AGO3: variants seen among roughly 807,000 people sequenced by gnomAD.
AGO3 encodes protein argonaute-3.
In AGO3, 16 loss-of-function variants were observed where a neutral mutation model predicts 105.5. The ratio of observed to expected loss-of-function variants is 0.15; its 90% confidence interval spans 0.10 to 0.23. The LOEUF is 0.23. Ranked by LOEUF, AGO3 falls within the 10% of genes least tolerant of loss-of-function variation. AGO3 has a pLI of 1.00. For missense variants in AGO3, 534 were observed against 1,088.0 expected (o/e 0.49, Z 7.16); for synonymous variants, 340 against 367.3 (o/e 0.93, Z 0.85).
rs1261621322 is a variant in AGO3, at chr1:35,967,070, A to G, written c.307A>G (p.Thr103Ala). 4 of 1,612,596 alleles carry G rather than the reference A, an allele frequency of 2.5e-6. No homozygotes were observed. The East Asian group carries it at 6.7e-5, about 27-fold the overall frequency. ...CGCCAATCCACTTCCTGTGGCAACT[A>G]CAGGGGTAAGATATGCATTCCTGTA... ...YTANPLPVATTGVDLDVTLPG... is the reference protein window; with the variant it reads ...YTANPLPVATAGVDLDVTLPG... Residue 103 changes from threonine (T) to alanine (A), a missense_variant, in exon 3 of 19, where the codon ACA becomes GCA. This residue lies in a region of AGO3 where 161 missense variants were observed against 234.0 expected (regional missense o/e 0.69). Coordinates refer to ENST00000373191, the MANE Select transcript of AGO3 (RefSeq NM_024852.4).
At chr1:35,940,170 G>C (rs1485795548) in intron 1 of AGO3, among the ~76,000 whole-genome samples, 2 of 151,958 alleles carry the variant, frequency 1.3e-5, no homozygotes, top group East Asian at 3.9e-4. Flanking sequence ...AGGTTCAAGC[G>C]ATTCTCCTGC....
intron 5 of AGO3, among the ~76,000 whole-genome samples, chr1:35,974,593 T>C (rs1023096721): frequency 1.3e-5 from 2 of 152,194 alleles, no homozygotes; most frequent in East Asian, 3.8e-4. Context: ...GTCCCAATTT[T>C]AGTGATTCAA....
At chr1:36,026,890 T>G (rs1445626368) in intron 11 of AGO3, among the ~76,000 whole-genome samples, 1 of 152,194 alleles carries the variant, frequency 6.6e-6, no homozygotes. Flanking sequence ...GTAATGCTCC[T>G]TGTAAACTAC....
At chr1:35,934,609 T>TATTTAA (rs1472112714) in intron 1 of AGO3, among the ~76,000 whole-genome samples, 1 of 152,156 alleles carries the variant, frequency 6.6e-6, no homozygotes. Context: ...TGTAATGCCA[T>TATTTAA]CAGGGTCCCA....
At chr1:35,934,263 G>A (rs867312853) in intron 1 of AGO3, among the ~76,000 whole-genome samples, 9 of 152,150 alleles carry the variant, frequency 5.9e-5, no homozygotes, top group Non-Finnish European at 8.8e-5. Flanking sequence ...TTAGACTACC[G>A]TTTAGGACAG....
At chr1:35,956,571 G>C (rs914329039) in intron 2 of AGO3, among the ~76,000 whole-genome samples, 3 of 151,760 alleles carry the variant, frequency 2.0e-5, no homozygotes, top group African/African-American at 7.3e-5. Flanking sequence ...GGAAAGATAG[G>C]AGAACCAGGA....
intron 6 of AGO3, among the ~76,000 whole-genome samples, chr1:36,006,974 T>C (rs1038382231): frequency 4.6e-5 from 7 of 152,232 alleles, no homozygotes; most frequent in African/African-American, 1.7e-4. Flanking sequence ...TTCTCAACCT[T>C]AGCAGCATTG....
At chr1:36,016,232 A>T (rs1345856935) in intron 11 of AGO3, among the ~76,000 whole-genome samples, 1 of 152,170 alleles carries the variant, frequency 6.6e-6, no homozygotes, top group Non-Finnish European at 1.5e-5. Flanking sequence ...CCCAGGCTGG[A>T]GTGCAGTGGC....
intron 16 of AGO3, among the ~76,000 whole-genome samples, chr1:36,041,719 T>C (rs543509940): frequency 6.6e-6 from 1 of 152,332 alleles, no homozygotes; most frequent in South Asian, 2.1e-4. Context: ...GGTGTTTTTC[T>C]TTGCCATACA....
At position 35,973,407 on chromosome 1, in the gene AGO3, C is replaced by T; in HGVS notation, c.554C>T (p.Ala185Val). ...CCTGTGGGGCGTTCATTTTTCTCCG[C>T]TCCAGAAGGATATGACCACCCTCTG... is the stretch of plus-strand genomic sequence containing the variant. ...YTPVGRSFFS[A>V]PEGYDHPLGG... Residue 185 changes from alanine (A) to valine (V), a missense_variant, in exon 5 of 19, where the codon GCT (alanine) becomes GTT (valine). Around this residue, in one of 2 missense-constraint regions of AGO3, gnomAD observed 161 missense variants for 234.0 expected, o/e 0.69. Coordinates refer to ENST00000373191, the MANE Select transcript of AGO3 (RefSeq NM_024852.4). 6.3e-7 allele frequency: 1 copy of T among 1,589,076 alleles called. No homozygotes were observed. Among genetic ancestry groups the T allele is most frequent in the Non-Finnish European group, 8.6e-7 (1 of 1,164,500 alleles).
intron 11 of AGO3, among the ~76,000 whole-genome samples, chr1:36,020,639 G>A (rs541050352): frequency 4.0e-5 from 6 of 151,610 alleles, no homozygotes; most frequent in Admixed American, 1.3e-4. Context: ...TTATTGAGAC[G>A]GAATCTCGCT....
chr1:36,055,160 T>C lies in AGO3; in HGVS notation c.2474+15T>C. ...GAACATGACAGGTAATATAAAAGCA[T>C]AACAGGTTCTCACCCAAATCCCAAT... On this transcript the variant is annotated intron_variant, in intron 18 of 18. Transcript: ENST00000373191. This position sits in a 1 kb window ranked among gnomAD's most constrained non-coding sequence, Gnocchi z 4.4. 1 of 1,571,434 alleles carries C rather than the reference T, an allele frequency of 6.4e-7. No homozygotes were observed. The highest frequency in any genetic ancestry group is 8.6e-7 in the Non-Finnish European group (1 of 1,156,788).
chr1:35,978,456 T>C (rs1236794259), intron 5 of AGO3, among the ~76,000 whole-genome samples: 2 of 152,198 alleles, frequency 1.3e-5, no homozygotes, highest in Non-Finnish European at 2.9e-5. Flanking sequence ...CCTTCCCAAG[T>C]GCTGGGATTA....
chr1:36,070,396 G>A lies in AGO3; in HGVS notation c.*14651G>A, dbSNP rs1228443246. Reference sequence around the variant, plus strand: ...CTGCAGGTCATATCAGGTGTCTGATGCAGTTACCTTTATAGATCGTGGCAG... The same window carrying A: ...CTGCAGGTCATATCAGGTGTCTGATACAGTTACCTTTATAGATCGTGGCAG... On this transcript the variant is annotated 3_prime_UTR_variant, in exon 19 of 19. Transcript: ENST00000373191. 1 of 152,200 alleles carries A rather than the reference G, an allele frequency of 6.6e-6. No homozygotes were observed. Among genetic ancestry groups the A allele is most frequent in the Non-Finnish European group, 1.5e-5 (1 of 68,032 alleles). The allele number at this position is 152,200 out of a possible 1,614,324, so 9.4% of individuals were successfully genotyped here. A position where few individuals can be genotyped will look rare whatever the true frequency, so the allele number is the denominator to read the frequency against.
intron 9 of AGO3, among the ~76,000 whole-genome samples, chr1:36,010,819 T>C (rs1640571410): frequency 6.7e-6 from 1 of 149,144 alleles, no homozygotes; most frequent in African/African-American, 2.5e-5. Context: ...GGCAGGAGAA[T>C]CGCTTGAACC....
At chr1:36,047,060 C>A (rs1642503427) in intron 17 of AGO3, among the ~76,000 whole-genome samples, 1 of 151,976 alleles carries the variant, frequency 6.6e-6, no homozygotes, top group African/African-American at 2.4e-5. Flanking sequence ...GCCTGACCAA[C>A]ATGGAGAAAA....
chr1:35,974,637 G>T (rs530976012), intron 5 of AGO3, among the ~76,000 whole-genome samples: 23 of 152,260 alleles, frequency 1.5e-4, no homozygotes, highest in Admixed American at 5.9e-4. Context: ...TTAATCAGTA[G>T]ATTCAGAGAT....
chr1:36,031,266 T>G (rs1317200624), intron 12 of AGO3, among the ~76,000 whole-genome samples: 1 of 152,088 alleles, frequency 6.6e-6, no homozygotes, highest in African/African-American at 2.4e-5. Flanking sequence ...AGCCCCAAAC[T>G]CCTGGGCTCA....
At chr1:35,946,110 A>G (rs930717942) in intron 2 of AGO3, among the ~76,000 whole-genome samples, 3 of 152,184 alleles carry the variant, frequency 2.0e-5, no homozygotes, top group African/African-American at 7.2e-5. Flanking sequence ...TTATTTTTAC[A>G]TGCTCCTGAA....
Sources: gnomAD v4.1 joint callset for allele counts (sites outside exome capture counted in the v4.1 genomes callset) on GRCh38, gnomAD v4.1.1 for gene constraint, gnomAD v4.1.1 regional missense constraint, Gnocchi (gnomAD v3.1) non-coding constraint, MANE v1.5 for transcripts, NCBI Gene and HGNC (gene_info 2026-07-23, HGNC 2026-07-21) for gene names.